DYSF: variants seen among roughly 807,000 people sequenced by gnomAD.
DYSF encodes dysferlin.
In DYSF, 212 loss-of-function variants were observed where a neutral mutation model predicts 274.9. The ratio of observed to expected loss-of-function variants is 0.77; its 90% CI spans 0.69 to 0.86. DYSF has a LOEUF of 0.86. DYSF is among the 40% of genes least tolerant of loss of function. The pLI is 0.00. For synonymous variants in DYSF, 1,091 were observed against 1,078.7 expected, an observed-to-expected ratio of 1.01 and a Z score of -0.22; for missense variants, 2,666 against 2,783.2, an observed-to-expected ratio of 0.96 and a Z score of 0.95.
Position 71,562,584 on chromosome 2 carries a change from C to T in DYSF, c.2409+640C>T, listed in dbSNP as rs114782761. Among the ~76,000 whole-genome samples the T allele has an allele frequency of 7.6e-3, 1,150 of 152,308 alleles. 19 individuals carry two copies. Among genetic ancestry groups the T allele is most frequent in the African/African-American group, 0.026 (1,100 of 41,548 alleles). On this transcript the variant is annotated intron_variant, in intron 23 of 55. Transcript: ENST00000410020. ...TCCGGTATTTGTCTGGAATGAGAAG[C>T]GTCTGCTCATAAGTGTTGGGCAGAC... is the stretch of plus-strand genomic sequence containing the variant.
chr2:71,549,192 G>A (rs1041449186), intron 17 of DYSF, among the ~76,000 whole-genome samples: 1 of 152,074 alleles, frequency 6.6e-6, no homozygotes, highest in Admixed American at 6.5e-5. Flanking sequence ...ATTCACAGCT[G>A]GGCAGAGGGT....
chr2:71,661,900 G>C (rs886042110), intron 45 of DYSF, among the ~76,000 whole-genome samples: 1 of 152,200 alleles, frequency 6.6e-6, no homozygotes, highest in African/African-American at 2.4e-5. Flanking sequence ...GGATTGGAGG[G>C]AAGTGGTAGG....
intron 12 of DYSF, among the ~76,000 whole-genome samples, chr2:71,521,912 G>A (rs2087315389): frequency 6.6e-6 from 1 of 151,994 alleles, no homozygotes; most frequent in South Asian, 2.1e-4. Context: ...GCTTCCCTTG[G>A]AGAGGCAGAG....
intron 40 of DYSF, among the ~76,000 whole-genome samples, chr2:71,618,345 AGAGGGG>A: frequency 1.2e-4 from 1 of 8,340 alleles, no homozygotes; most frequent in East Asian, 3.8e-3. Flanking sequence ...TGTGTGTGGT[AGAGGGG>A]TGTGTGTGTG....
rs749030307 is a variant in DYSF, at chr2:71,551,176, GGCAAGGGCAGGATGCCA to G, written c.1692+22_1692+38del. 7.4e-6 allele frequency: 12 copies of G among 1,611,292 alleles called. No individual in the cohort carries two copies. In the East Asian group the frequency reaches 2.7e-4, roughly 36 times the overall value. ...GGCAAGGTAAGCCGGCTGGAGCCCT[GGCAAGGGCAGGATGCCA>G]GATGCCCAGGTCCCTCAGGAGCCCA... is the stretch of plus-strand genomic sequence containing the variant. On this transcript the variant is annotated intron_variant, in intron 18 of 55. Coordinates refer to ENST00000410020, the MANE Select transcript of DYSF (RefSeq NM_001130987.2).
At chr2:71,653,691 A>G (rs1386206149) in intron 42 of DYSF, among the ~76,000 whole-genome samples, 2 of 151,186 alleles carry the variant, frequency 1.3e-5, no homozygotes, top group Admixed American at 6.6e-5. Context: ...GGATAGCATT[A>G]GGAGATACAC....
intron 41 of DYSF, among the ~76,000 whole-genome samples, chr2:71,628,998 A>T (rs911493169): frequency 6.6e-6 from 1 of 152,214 alleles, no homozygotes; most frequent in African/African-American, 2.4e-5. Flanking sequence ...TTTAATTTTT[A>T]AAAGATGTTA....
At chr2:71,512,036 T>A (rs773179296) in intron 5 of DYSF, 115 bp downstream of exon 5, 3 of 745,204 alleles carry the variant, frequency 4.0e-6, no homozygotes, top group Non-Finnish European at 7.1e-6. Context: ...CCTCCCCAGG[T>A]TGGAGGCTGC....
intron 42 of DYSF, among the ~76,000 whole-genome samples, chr2:71,649,828 A>G (rs1161317988): frequency 2.6e-5 from 4 of 152,252 alleles, no homozygotes; most frequent in Admixed American, 1.3e-4. Context: ...AATTTAAATC[A>G]GATCTCAGAG....
chr2:71,571,517 C>T (rs2092450825), intron 29 of DYSF, among the ~76,000 whole-genome samples: 1 of 144,196 alleles, frequency 6.9e-6, no homozygotes, highest in African/African-American at 2.7e-5. Flanking sequence ...CCACCACACA[C>T]AGCTCACACC....
At chr2:71,490,160 A>C (rs982279340) in intron 3 of DYSF, among the ~76,000 whole-genome samples, 1 of 151,970 alleles carries the variant, frequency 6.6e-6, no homozygotes, top group East Asian at 1.9e-4. Flanking sequence ...CATTTTTTTA[A>C]ATTTAAAACA....
intron 1 of DYSF, among the ~76,000 whole-genome samples, chr2:71,477,799 C>G (rs1313383063): frequency 6.6e-6 from 1 of 152,198 alleles, no homozygotes; most frequent in Non-Finnish European, 1.5e-5. Context: ...AAGTTAAGAA[C>G]TACTACTTGT....
intron 41 of DYSF, among the ~76,000 whole-genome samples, chr2:71,622,901 C>A (rs1437247944): frequency 6.6e-6 from 1 of 152,228 alleles, no homozygotes; most frequent in Non-Finnish European, 1.5e-5. Context: ...AGGTGTGAGC[C>A]ACCGCACCTA....
At chr2:71,538,312 G>A (rs1484759754) in intron 16 of DYSF, among the ~76,000 whole-genome samples, 1 of 152,190 alleles carries the variant, frequency 6.6e-6, no homozygotes, top group South Asian at 2.1e-4. Flanking sequence ...CAGAGGGAGG[G>A]TCTGCATAGG....
At chr2:71,599,545 G>T (rs1375247841) in intron 33 of DYSF, among the ~76,000 whole-genome samples, 1 of 152,168 alleles carries the variant, frequency 6.6e-6, no homozygotes, top group Non-Finnish European at 1.5e-5. Flanking sequence ...GTGGGGTTGG[G>T]GTGTCAGTGC....
Position 71,602,929 on chromosome 2 carries a change from C to T in DYSF, c.3957+124C>T, listed in dbSNP as rs1257146648. On this transcript the variant is annotated intron_variant, in intron 36 of 55. Coordinates refer to ENST00000410020, the MANE Select transcript of DYSF (RefSeq NM_001130987.2). ...CCAGCAGGCATCTGTCACATGGAGA[C>T]CTGTCTGGATTTTATTCCCCATGCT... 3 of 1,197,186 alleles carry T rather than the reference C, an allele frequency of 2.5e-6. No individual in the cohort carries two copies. In the African/African-American group the frequency reaches 4.4e-5, roughly 18 times the overall value. 74.2% of individuals were successfully genotyped at this position (1,197,186 alleles called of 1,614,324 possible). A position where few individuals can be genotyped will look rare whatever the true frequency, so the allele number is the denominator to read the frequency against.
At position 71,589,575 on chromosome 2, in the gene DYSF, C is replaced by T. The variant is rs1462086269; in HGVS notation, c.3403-18C>T. The stretch of plus-strand genomic sequence containing the variant: ...GGCCTGGGGGCAGAATCTGCCATAA[C>T]CAGCTTCGTGTCTCCAGGGCGGCGT... On this transcript the variant is annotated intron_variant, in intron 30 of 55. Transcript: ENST00000410020. 5 of 1,611,930 alleles carry T rather than the reference C, an allele frequency of 3.1e-6. No individual in the cohort carries two copies. Among genetic ancestry groups the T allele is most frequent in the South Asian group, 2.2e-5 (2 of 91,048 alleles).
At chr2:71,639,544 A>T (rs1237683410) in intron 41 of DYSF, among the ~76,000 whole-genome samples, 1 of 152,100 alleles carries the variant, frequency 6.6e-6, no homozygotes, top group Admixed American at 6.5e-5. Flanking sequence ...GTAACTTTTC[A>T]TGTCAGTAAA....
chr2:71,632,038 A>G (rs2094323699), intron 41 of DYSF, among the ~76,000 whole-genome samples: 1 of 152,074 alleles, frequency 6.6e-6, no homozygotes. Flanking sequence ...TTTCCCATCT[A>G]GAGAAAAAAC....
Sources: allele counts gnomAD v4.1 joint callset (sites outside exome capture counted in the v4.1 genomes callset), GRCh38; gene constraint gnomAD v4.1.1; transcripts MANE v1.5; gene names NCBI Gene and HGNC (gene_info 2026-07-23, HGNC 2026-07-21).